TMEM135: variants seen among roughly 807,000 people sequenced by gnomAD.
TMEM135 encodes peroxisomal membrane protein 52.
TMEM135 carries 30 observed loss-of-function variants against 60.3 expected under a neutral mutation model. That is an observed-to-expected ratio of 0.50 (90% CI 0.37 to 0.68). TMEM135 has a LOEUF of 0.68. TMEM135 is among the 30% of genes least tolerant of loss of function. The pLI, the probability that TMEM135 is intolerant of heterozygous loss-of-function variation, is 0.00. For synonymous variants in TMEM135, 190 were observed against 186.7 expected (o/e 1.02, Z -0.14); for missense variants, 468 against 548.8 (o/e 0.85, Z 1.47).
In TMEM135 at chr11:87,326,349, T is replaced by G. The variant is rs1466579517; in HGVS notation, c.*5016T>G. 4.4e-6 allele frequency: 2 copies of G among 454,096 alleles called. No homozygotes were observed. Among genetic ancestry groups the G allele is most frequent in the Admixed American group, 4.7e-5 (2 of 42,572 alleles). The allele number at this position is 454,096 out of a possible 1,614,324, so 28.1% of individuals were successfully genotyped here. A position where few individuals can be genotyped will look rare whatever the true frequency, so the allele number is the denominator to read the frequency against. On this transcript the variant is annotated 3_prime_UTR_variant, in exon 15 of 15. Transcript: ENST00000305494. ...CTGAGGTCACCCTGCATTACTACTTTCCTCCATCCCTGAACTAGGACCAGT... is the reference window on the plus strand; with the variant it reads ...CTGAGGTCACCCTGCATTACTACTTGCCTCCATCCCTGAACTAGGACCAGT...
At chr11:87,306,134 G>C in intron 9 of TMEM135, 129 bp downstream of exon 9, 1 of 502,050 alleles carries the variant, frequency 2.0e-6, no homozygotes, top group Non-Finnish European at 3.2e-6. Flanking sequence ...CTTTGAATTT[G>C]ACTTCAAGAG....
At chr11:87,120,113 C>CT (rs200904925) in intron 4 of TMEM135, among the ~76,000 whole-genome samples, 5 of 135,024 alleles carry the variant, frequency 3.7e-5, no homozygotes, top group South Asian at 2.3e-4. Context: ...TTTTCTTCTT[C>CT]TTCTTTTTTT....
At chr11:87,272,076 CAG>C (rs200954656) in intron 6 of TMEM135, among the ~76,000 whole-genome samples, 2,822 of 110,326 alleles carry the variant, frequency 0.026, 121 homozygotes, top group African/African-American at 0.092. Context: ...TTTTTTAAGA[CAG>C]AGTTTCTCTC....
At chr11:87,047,630 G>A (rs1163965952) in intron 1 of TMEM135, among the ~76,000 whole-genome samples, 1 of 119,326 alleles carries the variant, frequency 8.4e-6, no homozygotes, top group Non-Finnish European at 1.7e-5. Flanking sequence ...GGCGCACCAC[G>A]AGACTATATC....
chr11:87,129,101 C>T (rs959291391), intron 4 of TMEM135, among the ~76,000 whole-genome samples: 11 of 150,422 alleles, frequency 7.3e-5, no homozygotes, highest in African/African-American at 1.2e-4. Flanking sequence ...AAATTTAAAA[C>T]CTCTACTTTG....
At chr11:87,124,895 T>C (rs1937683087) in intron 4 of TMEM135, among the ~76,000 whole-genome samples, 1 of 152,154 alleles carries the variant, frequency 6.6e-6, no homozygotes, top group African/African-American at 2.4e-5. Context: ...TTTAGTCATA[T>C]TTATCTTTTA....
chr11:87,198,203 A>G (rs533083597), intron 5 of TMEM135, among the ~76,000 whole-genome samples: 5 of 152,314 alleles, frequency 3.3e-5, no homozygotes, highest in South Asian at 4.1e-4. Context: ...CTTTATGTAC[A>G]TGAGATTAAA....
intron 1 of TMEM135, among the ~76,000 whole-genome samples, chr11:87,062,887 G>A (rs11234940): frequency 0.085 from 12,926 of 152,102 alleles, 609 homozygotes; most frequent in East Asian, 0.17. Context: ...TCTAAACAAG[G>A]ATTTTTCATA....
Position 87,063,920 on chromosome 11 carries a change from T to C in TMEM135, c.142-3774T>C, listed in dbSNP as rs568424098. On this transcript the variant is annotated intron_variant, in intron 1 of 14. Coordinates refer to ENST00000305494, the MANE Select transcript of TMEM135 (RefSeq NM_022918.4). ...ACAGATAATGCTATAAATATGTCTT[T>C]TGGCGGACATAAGCACTTATTTCTT... Among the ~76,000 whole-genome samples the C allele has an allele frequency of 1.2e-3, 177 of 152,354 alleles. 1 individual carries two copies. The highest frequency in any genetic ancestry group is 3.9e-3 in the African/African-American group (161 of 41,578).
chr11:87,265,228 A>G (rs1266778031), intron 6 of TMEM135, among the ~76,000 whole-genome samples: 4 of 151,954 alleles, frequency 2.6e-5, no homozygotes, highest in African/African-American at 7.2e-5. Context: ...TTTTAGTCCT[A>G]CACATCTGGT....
intron 6 of TMEM135, chr11:87,259,033 C>A (rs1457042485): frequency 7.4e-6 from 11 of 1,483,650 alleles, no homozygotes; most frequent in Non-Finnish European, 1.0e-5. Flanking sequence ...CACGGCTGCC[C>A]TGGGAAACCT....
In TMEM135 at chr11:87,100,082, A is replaced by G. The variant is rs563793750; in HGVS notation, c.396+8687A>G. Among the ~76,000 whole-genome samples the G allele has an allele frequency of 1.1e-4, 16 of 152,272 alleles. No homozygotes were observed. In the South Asian group the frequency reaches 2.9e-3, roughly 28 times the overall value. On this transcript the variant is annotated intron_variant, in intron 4 of 14. Coordinates refer to ENST00000305494, the MANE Select transcript of TMEM135 (RefSeq NM_022918.4). The stretch of plus-strand genomic sequence containing the variant: ...TTGAATCTCTAGTTCTTTAAAATGG[A>G]AAACTTTTTTGAGGGGGTACATTTG...
At chr11:87,127,020 A>G (rs1423658870) in intron 4 of TMEM135, among the ~76,000 whole-genome samples, 1 of 152,188 alleles carries the variant, frequency 6.6e-6, no homozygotes, top group Non-Finnish European at 1.5e-5. Flanking sequence ...CATTTATGGT[A>G]TATTTATTAA....
intron 5 of TMEM135, among the ~76,000 whole-genome samples, chr11:87,236,221 A>C (rs1033650312): frequency 6.6e-6 from 1 of 151,892 alleles, no homozygotes; most frequent in Admixed American, 6.6e-5. Flanking sequence ...ATAGTTACAT[A>C]TAAGTATTGC....
chr11:87,222,907 A>G (rs1213388939), intron 5 of TMEM135, among the ~76,000 whole-genome samples: 2 of 152,118 alleles, frequency 1.3e-5, no homozygotes, highest in Non-Finnish European at 2.9e-5. Flanking sequence ...ATTTTGCAAA[A>G]CTCTATTCAA....
rs1479457549 is a variant in TMEM135 at position 87,327,140 on chromosome 11, T to C, written c.*5807T>C. On this transcript the variant is annotated 3_prime_UTR_variant, in exon 15 of 15. Coordinates refer to ENST00000305494, the MANE Select transcript of TMEM135 (RefSeq NM_022918.4). ...TGTCCAGATACTTTTCCAACCAGCC[T>C]TTACTCGGAGGTGTTCATGTGACCC... 4.4e-6 allele frequency: 2 copies of C among 454,016 alleles called. No individual in the cohort carries two copies. The highest frequency in any genetic ancestry group is 3.1e-5 in the South Asian group (2 of 64,472). The allele number at this position is 454,016 out of a possible 1,614,324, so 28.1% of individuals were successfully genotyped here. A position where few individuals can be genotyped will look rare whatever the true frequency, so the allele number is the denominator to read the frequency against.
At chr11:87,265,561 A>T (rs2135405428) in intron 6 of TMEM135, among the ~76,000 whole-genome samples, 2 of 152,132 alleles carry the variant, frequency 1.3e-5, no homozygotes, top group Middle Eastern at 6.8e-3. Context: ...AAGCATCTAA[A>T]CACTTCTGGA....
chr11:87,132,407 A>T (rs1164777376), intron 4 of TMEM135, among the ~76,000 whole-genome samples: 1 of 152,164 alleles, frequency 6.6e-6, no homozygotes, highest in Non-Finnish European at 1.5e-5. Context: ...AGCCTGGCTT[A>T]TGTGCAAGAA....
rs1377848779 is a variant in TMEM135, at chr11:87,321,564, G to T, written c.*231G>T. On this transcript the variant is annotated 3_prime_UTR_variant, in exon 15 of 15. Coordinates refer to ENST00000305494, the MANE Select transcript of TMEM135 (RefSeq NM_022918.4). The stretch of plus-strand genomic sequence containing the variant: ...GAATAAGATTCTGGATCACTGTAGT[G>T]ACTGACATTATATATTATTGATCAA... The T allele has an allele frequency of 4.6e-6, 3 of 657,762 alleles. No homozygotes were observed. Among genetic ancestry groups the T allele is most frequent in the Non-Finnish European group, 8.4e-6 (3 of 358,948 alleles). The allele number at this position is 657,762 out of a possible 1,614,324, so 40.7% of individuals were successfully genotyped here.
Sources: gnomAD v4.1 joint callset for allele counts (sites outside exome capture counted in the v4.1 genomes callset) on GRCh38, gnomAD v4.1.1 for gene constraint, MANE v1.5 for transcripts, NCBI Gene and HGNC (gene_info 2026-07-23, HGNC 2026-07-21) for gene names.